The following DAW1 variants were observed in gnomAD, a reference collection of about 807,000 sequenced individuals.
The protein encoded by DAW1 is dynein assembly factor with WD repeats 1, also known as dynein assembly factor with WD repeat domains 1.
In DAW1, 47 loss-of-function variants were observed where a neutral mutation model predicts 56.5. That is an observed-to-expected ratio of 0.83 (90% CI 0.66 to 1.06). The LOEUF (loss-of-function observed/expected upper bound fraction) is 1.06. Ranked by LOEUF, DAW1 falls within the 50% of genes least tolerant of loss-of-function variation. The pLI, the probability that DAW1 is intolerant of heterozygous loss-of-function variation, is 0.00. For missense variants in DAW1, 505 were observed against 499.3 expected, an observed-to-expected ratio of 1.01 and a Z score of -0.11; for synonymous variants, 190 against 179.0, an observed-to-expected ratio of 1.06 and a Z score of -0.49.
chr2:227,882,864 C>T (rs1691041876), intron 1 of DAW1, among the ~76,000 whole-genome samples: 1 of 152,138 alleles, frequency 6.6e-6, no homozygotes, highest in African/African-American at 2.4e-5. Context: ...GCCTTGCTTC[C>T]TCCTTTCCTT....
At position 227,906,356 on chromosome 2, in the gene DAW1, A is replaced by G; in HGVS notation, c.858+18A>G. 1.3e-6 allele frequency: 2 copies of G among 1,569,100 alleles called. No homozygotes were observed. The highest frequency in any genetic ancestry group is 1.8e-6 in the Non-Finnish European group (2 of 1,142,760). On this transcript the variant is annotated intron_variant, in intron 9 of 12. Transcript: ENST00000309931. ...CCTGCAAGGTGAGCAAAATAAATAA[A>G]TATCTTTGCTTTATATTGTGTCTAT...
chr2:227,882,352 C>G (rs1392565099), intron 1 of DAW1, among the ~76,000 whole-genome samples: 1 of 152,144 alleles, frequency 6.6e-6, no homozygotes, highest in Non-Finnish European at 1.5e-5. Flanking sequence ...ACTGCTGGTG[C>G]CTTACTACAA....
intron 11 of DAW1, 145 bp downstream of exon 11, chr2:227,919,001 C>A: frequency 1.2e-6 from 1 of 821,064 alleles, no homozygotes; most frequent in South Asian, 1.8e-5. Flanking sequence ...TCAAGACCAG[C>A]CTGGGCAACA....
intron 10 of DAW1, among the ~76,000 whole-genome samples, chr2:227,910,147 A>G (rs1691780399): frequency 6.6e-6 from 1 of 152,116 alleles, no homozygotes; most frequent in Non-Finnish European, 1.5e-5. Flanking sequence ...ATCATGTATG[A>G]TGCTATATAA....
intron 1 of DAW1, among the ~76,000 whole-genome samples, chr2:227,878,661 C>T (rs1690942016): frequency 6.6e-6 from 1 of 152,134 alleles, no homozygotes; most frequent in African/African-American, 2.4e-5. Flanking sequence ...GAGTTCGAGA[C>T]TACAGTGAGT....
chr2:227,905,540 C>A (rs921312060), intron 8 of DAW1, among the ~76,000 whole-genome samples: 2 of 152,114 alleles, frequency 1.3e-5, no homozygotes, highest in Non-Finnish European at 2.9e-5. Flanking sequence ...GGGTGCCAAC[C>A]AAGATGTATG....
intron 12 of DAW1, among the ~76,000 whole-genome samples, chr2:227,923,722 A>G (rs144360310): frequency 9.9e-5 from 15 of 152,058 alleles, no homozygotes; most frequent in African/African-American, 3.6e-4. Context: ...GTACCTGCTT[A>G]ATTTACAACT....
At chr2:227,875,293 C>G (rs1461689931) in intron 1 of DAW1, among the ~76,000 whole-genome samples, 1 of 152,196 alleles carries the variant, frequency 6.6e-6, no homozygotes. Flanking sequence ...TCCTTCCACC[C>G]TTGCCCCTCT....
intron 8 of DAW1, among the ~76,000 whole-genome samples, chr2:227,905,964 C>T (rs937830407): frequency 1.3e-5 from 2 of 152,168 alleles, no homozygotes; most frequent in African/African-American, 4.8e-5. Context: ...CTGTGTTAGC[C>T]AGGATGGTCT....
chr2:227,921,064 C>T (rs151104722), intron 11 of DAW1, among the ~76,000 whole-genome samples: 333 of 152,158 alleles, frequency 2.2e-3, no homozygotes, highest in African/African-American at 7.7e-3. Context: ...ACACCAGGGC[C>T]CTGCATCTTT....
rs1691680206 is a variant in DAW1, at chr2:227,906,265, C to T, written c.785C>T (p.Ala262Val). The part of the protein sequence containing the change: ...RKVNILIGHC[A>V]EISSASFNWD... Reference sequence around the variant, plus strand: ...GTAAATATCTTAATTGGTCATTGTGCTGAGATTAGCAGTGCCTCATTCAAT... The same window carrying T: ...GTAAATATCTTAATTGGTCATTGTGTTGAGATTAGCAGTGCCTCATTCAAT... Residue 262 changes from alanine (A) to valine (V), a missense_variant, in exon 9 of 13, where the codon GCT becomes GTT. Transcript: ENST00000309931. The T allele has an allele frequency of 6.2e-7, 1 of 1,613,042 alleles. No individual in the cohort carries two copies. The highest frequency in any genetic ancestry group is 8.5e-7 in the Non-Finnish European group (1 of 1,179,418).
At chr2:227,900,478 A>C (rs1023627704) in intron 6 of DAW1, among the ~76,000 whole-genome samples, 1 of 152,196 alleles carries the variant, frequency 6.6e-6, no homozygotes, top group Non-Finnish European at 1.5e-5. Flanking sequence ...TAAAAGTGTC[A>C]ATGGATAAGT....
chr2:227,891,616 C>T (rs1041469613), intron 4 of DAW1, among the ~76,000 whole-genome samples: 1 of 152,136 alleles, frequency 6.6e-6, no homozygotes, highest in Non-Finnish European at 1.5e-5. Flanking sequence ...TGTGATCAGT[C>T]TATTCAGAGC....
intron 10 of DAW1, among the ~76,000 whole-genome samples, chr2:227,917,142 A>ATCTGTCTG (rs58001363): frequency 0.011 from 1,534 of 138,504 alleles, 22 homozygotes; most frequent in East Asian, 0.037. Context: ...CTATCTATCT[A>ATCTGTCTG]TCTGTCTGTC....
chr2:227,889,836 C>G lies in DAW1; in HGVS notation c.114-20C>G, dbSNP rs755017069. ...ATTTTGACATAAAATAAAAGAAACT[C>G]TTTTTTGGGTGTATTTCAGCACTGA... On this transcript the variant is annotated intron_variant, in intron 2 of 12. Coordinates refer to ENST00000309931, the MANE Select transcript of DAW1 (RefSeq NM_178821.3). The G allele has an allele frequency of 2.6e-6, 4 of 1,540,720 alleles. No individual in the cohort carries two copies. The highest frequency in any genetic ancestry group is 3.5e-6 in the Non-Finnish European group (4 of 1,151,822).
intron 10 of DAW1, among the ~76,000 whole-genome samples, chr2:227,913,988 A>ATCTCTC (rs71723734): frequency 2.0e-4 from 30 of 147,622 alleles, no homozygotes; most frequent in African/African-American, 7.5e-4. Context: ...ATATATCTGT[A>ATCTCTC]TCTCTCTCTC....
chr2:227,876,619 C>T, intron 1 of DAW1: 1 of 662,372 alleles, frequency 1.5e-6, no homozygotes, highest in Non-Finnish European at 2.2e-6. Flanking sequence ...CTAATTTTCG[C>T]CCTCCCACTT....
At chr2:227,918,122 C>CTCCATCCA (rs368790108) in intron 10 of DAW1, among the ~76,000 whole-genome samples, 1 of 97,320 alleles carries the variant, frequency 1.0e-5, no homozygotes, top group Non-Finnish European at 2.4e-5. Context: ...CCATCCATTT[C>CTCCATCCA]TCCATCCATC....
intron 8 of DAW1, among the ~76,000 whole-genome samples, chr2:227,905,871 C>T (rs1430637407): frequency 6.6e-6 from 1 of 152,146 alleles, no homozygotes; most frequent in Admixed American, 6.5e-5. Context: ...TCTCCTGCTT[C>T]AGCCTCCCGA....
Sources: allele counts gnomAD v4.1 joint callset (sites outside exome capture counted in the v4.1 genomes callset), GRCh38; gene constraint gnomAD v4.1.1; transcripts MANE v1.5; gene names NCBI Gene and HGNC (gene_info 2026-07-23, HGNC 2026-07-21).